RPGRIP1L: variants seen among roughly 807,000 people sequenced by gnomAD.
RPGRIP1L encodes RPGRIP1 like, also known as protein fantom.
In RPGRIP1L, 131 loss-of-function variants were observed where a neutral mutation model predicts 160.4. The observed-to-expected ratio is 0.82, with a 90% confidence interval of 0.71 to 0.94. The LOEUF is 0.94. RPGRIP1L is among the 40% of genes least tolerant of loss of function. The probability of loss-of-function intolerance (pLI) is 0.00; values close to 1 mark genes in which losing one functional copy is unlikely to be tolerated. For missense variants in RPGRIP1L, 1,522 were observed against 1,535.8 expected (o/e 0.99, Z 0.15); for synonymous variants, 510 against 515.8 (o/e 0.99, Z 0.15).
At position 53,662,334 on chromosome 16, in the gene RPGRIP1L, A is replaced by G. The variant is rs569906859; in HGVS notation, c.1243+2536T>C. ...CAAAAGCAAGCCCTTAAACACATGC[A>G]GTTAATTTAAGCATTAACCAAATGC... On this transcript the variant is annotated intron_variant, in intron 10 of 26. Coordinates refer to ENST00000647211, the MANE Select transcript of RPGRIP1L (RefSeq NM_015272.5). 8.2e-4 allele frequency among the ~76,000 whole-genome samples: 125 copies of G among 152,268 alleles called. 2 individuals are homozygous for G. The highest frequency in any genetic ancestry group is 2.9e-3 in the African/African-American group (119 of 41,588).
In RPGRIP1L at chr16:53,696,179, C is replaced by T. The variant is rs1567893010; in HGVS notation, c.202G>A (p.Ala68Thr). The T allele has an allele frequency of 6.2e-7, 1 of 1,613,900 alleles. No individual in the cohort carries two copies. Among genetic ancestry groups the T allele is most frequent in the Non-Finnish European group, 8.5e-7 (1 of 1,179,976 alleles). ...TTAATTTTATCCTCCTGCTTGCGGG[C>T]ATGCTGTTTAAGTAAAATGTTCTCA... ...HDENILLKQH[A>T]RKQEDKIKRM... Residue 68 changes from alanine to threonine, a missense_variant, in exon 3 of 27, where the codon GCC becomes ACC. By Grantham distance (58) the Ala-to-Thr change is moderately conservative. Transcript: ENST00000647211.
chr16:53,675,001 T>C lies in RPGRIP1L; in HGVS notation c.882+16A>G, dbSNP rs1225687399. On this transcript the variant is annotated intron_variant, in intron 7 of 26. Coordinates refer to ENST00000647211, the MANE Select transcript of RPGRIP1L (RefSeq NM_015272.5). ...GCATCTCTGTAACATTGTAATAAAA[T>C]AAATTATCACTGTACCTCTTGAAGC... The C allele has an allele frequency of 3.3e-6, 5 of 1,533,808 alleles. No homozygotes were observed. Among genetic ancestry groups the C allele is most frequent in the Non-Finnish European group, 4.5e-6 (5 of 1,111,270 alleles).
At chr16:53,640,115 C>A (rs774181092) in intron 19 of RPGRIP1L, among the ~76,000 whole-genome samples, 7 of 151,890 alleles carry the variant, frequency 4.6e-5, no homozygotes, top group African/African-American at 1.5e-4. Context: ...TTGTGGATGA[C>A]CTGGGTGTAG....
intron 6 of RPGRIP1L, among the ~76,000 whole-genome samples, chr16:53,681,583 A>G (rs1567874551): frequency 1.3e-5 from 2 of 152,218 alleles, no homozygotes; most frequent in African/African-American, 4.8e-5. Context: ...TATGTAGAAC[A>G]TATGCAAAAA....
intron 20 of RPGRIP1L, 92 bp downstream of exon 20, chr16:53,638,218 C>T: frequency 2.5e-6 from 2 of 800,568 alleles, no homozygotes; most frequent in Non-Finnish European, 2.2e-6. Flanking sequence ...AGGGGAAATG[C>T]TATGACTTCC....
chr16:53,620,285 C>A (rs1964624633), intron 23 of RPGRIP1L, among the ~76,000 whole-genome samples: 1 of 152,114 alleles, frequency 6.6e-6, no homozygotes, highest in Admixed American at 6.6e-5. Flanking sequence ...CCATAAAGAA[C>A]AATTTCCATT....
intron 10 of RPGRIP1L, chr16:53,659,946 G>C (rs1967632359): frequency 6.6e-6 from 1 of 152,060 alleles, no homozygotes; most frequent in South Asian, 2.1e-4. Flanking sequence ...AGTCGGAATG[G>C]ACTTGGAGCT....
intron 6 of RPGRIP1L, among the ~76,000 whole-genome samples, chr16:53,685,077 A>G (rs1481493878): frequency 6.6e-6 from 1 of 152,210 alleles, no homozygotes; most frequent in African/African-American, 2.4e-5. Context: ...ACACTTCTCA[A>G]AAGAAGACAT....
intron 23 of RPGRIP1L, 90 bp downstream of exon 23, chr16:53,622,129 C>T (rs1964766383): frequency 2.3e-6 from 1 of 435,898 alleles, no homozygotes; most frequent in Non-Finnish European, 4.1e-6. Flanking sequence ...CTTTGGGAGG[C>T]AGAGGTGGGC....
intron 19 of RPGRIP1L, among the ~76,000 whole-genome samples, chr16:53,640,727 C>T (rs1383183205): frequency 1.3e-5 from 2 of 151,306 alleles, no homozygotes; most frequent in African/African-American, 4.9e-5. Flanking sequence ...GAAGTGAGTC[C>T]AAGAAACAAT....
At chr16:53,699,386 T>TAAA (rs10652484) in intron 2 of RPGRIP1L, among the ~76,000 whole-genome samples, 2,999 of 77,324 alleles carry the variant, frequency 0.039, 141 homozygotes, top group Admixed American at 0.14. Context: ...GAATGATCAA[T>TAAA]AAAAAAAAAA....
chr16:53,653,191 A>C (rs1371814750), intron 14 of RPGRIP1L: 2 of 537,016 alleles, frequency 3.7e-6, no homozygotes, highest in African/African-American at 2.1e-5. Flanking sequence ...GCAGCAACAA[A>C]ATTGCAACTT....
chr16:53,634,354 T>C (rs995179077), intron 22 of RPGRIP1L, among the ~76,000 whole-genome samples: 2 of 152,166 alleles, frequency 1.3e-5, no homozygotes, highest in African/African-American at 2.4e-5. Context: ...CATTAGCCAT[T>C]ATGATTTCTT....
intron 12 of RPGRIP1L, among the ~76,000 whole-genome samples, chr16:53,658,041 AATATT>A (rs2151159898): frequency 6.6e-6 from 1 of 152,268 alleles, no homozygotes; most frequent in South Asian, 2.1e-4. Flanking sequence ...TTTATAATTC[AATATT>A]TTACTTAGGG....
rs375760281 is a variant in RPGRIP1L at position 53,651,054 on chromosome 16, T to C, written c.2152+1481A>G. 2.3e-3 allele frequency among the ~76,000 whole-genome samples: 354 copies of C among 152,338 alleles called. 1 individual carries two copies. The highest frequency in any genetic ancestry group is 7.8e-3 in the African/African-American group (325 of 41,598). ...AGATTGGTGTGTCCAGCCACCAGCCTGACATCACCACTTGGATGTCTAATA... is the reference window on the plus strand; with the variant it reads ...AGATTGGTGTGTCCAGCCACCAGCCCGACATCACCACTTGGATGTCTAATA... On this transcript the variant is annotated intron_variant, in intron 15 of 26. Coordinates refer to ENST00000647211, the MANE Select transcript of RPGRIP1L (RefSeq NM_015272.5).
At chr16:53,684,105 G>A (rs568281297) in intron 6 of RPGRIP1L, among the ~76,000 whole-genome samples, 22 of 152,308 alleles carry the variant, frequency 1.4e-4, no homozygotes, top group Admixed American at 7.2e-4. Context: ...AGATGCTGGA[G>A]AGGATGTGGA....
chr16:53,667,354 T>C (rs1185463730), intron 9 of RPGRIP1L, among the ~76,000 whole-genome samples: 1 of 152,312 alleles, frequency 6.6e-6, no homozygotes, highest in South Asian at 2.1e-4. Flanking sequence ...CTAAGATCTT[T>C]CCTTCTACAG....
At chr16:53,671,887 G>T (rs898419418) in intron 8 of RPGRIP1L, among the ~76,000 whole-genome samples, 2 of 152,020 alleles carry the variant, frequency 1.3e-5, no homozygotes, top group Non-Finnish European at 2.9e-5. Flanking sequence ...TAAGTCCCGG[G>T]AAACATAGTA....
At chr16:53,694,797 C>G (rs1895052) in intron 3 of RPGRIP1L, 4,223 of 152,544 alleles carry the variant, frequency 0.028, 144 homozygotes, top group East Asian at 0.13. Flanking sequence ...CAGGCGTGAG[C>G]CACTGTGCCT....
Sources: gnomAD v4.1 joint callset for allele counts (sites outside exome capture counted in the v4.1 genomes callset) on GRCh38, gnomAD v4.1.1 for gene constraint, MANE v1.5 for transcripts, NCBI Gene and HGNC (gene_info 2026-07-23, HGNC 2026-07-21) for gene names.